The following DHX57 variants were observed in gnomAD, a reference collection of about 807,000 sequenced individuals.
The protein encoded by DHX57 is putative ATP-dependent RNA helicase DHX57.
DHX57 carries 105 observed loss-of-function variants against 156.2 expected under a neutral mutation model. The ratio of observed to expected loss-of-function variants is 0.67; its 90% CI spans 0.57 to 0.79. The LOEUF is 0.79. Among genes scored for constraint, DHX57 ranks in the 30% least tolerant of loss-of-function variants. DHX57 has a pLI of 0.00. For synonymous variants in DHX57, 704 were observed against 595.6 expected (o/e 1.18, Z -2.65); for missense variants, 1,847 against 1,661.9 (o/e 1.11, Z -1.94).
At chr2:38,811,439 G>T (rs900139761) in intron 21 of DHX57, 2 of 610,014 alleles carry the variant, frequency 3.3e-6, no homozygotes, top group East Asian at 3.3e-5. Flanking sequence ...CAGGCCAGAT[G>T]AACTCCTCCA....
rs1669480437 is a variant in DHX57 at position 38,798,164 on chromosome 2, G to A, written c.*135C>T. 5 of 1,215,092 alleles carry A rather than the reference G, an allele frequency of 4.1e-6. No individual in the cohort carries two copies. The highest frequency in any genetic ancestry group is 1.5e-5 in the African/African-American group (1 of 65,858). The allele number at this position is 1,215,092 out of a possible 1,614,324, so 75.3% of individuals were successfully genotyped here. A position where few individuals can be genotyped will look rare whatever the true frequency, so the allele number is the denominator to read the frequency against. On this transcript the variant is annotated 3_prime_UTR_variant, in exon 24 of 24. Coordinates refer to ENST00000457308, the MANE Select transcript of DHX57 (RefSeq NM_198963.3). ...TAAGGGTATATACACTGCCTCAGCT[G>A]CCTTGGGCTTCATGCCCTGGGCTCC...
chr2:38,861,491 A>G lies in DHX57; in HGVS notation c.919T>C (p.Phe307Leu). ...AATTTACAATTTCCTTTGAGGTAAA[A>G]TTTACAGATTTCAAGTGAATTCTCT... ...VQENSLEICK[F>L]YLKGNCKFGS... Residue 307 changes from phenylalanine (F) to leucine (L), a missense_variant, in exon 5 of 24, where the codon TTT becomes CTT. Transcript: ENST00000457308. 6.2e-7 allele frequency: 1 copy of G among 1,614,056 alleles called. No homozygotes were observed. Among genetic ancestry groups the G allele is most frequent in the South Asian group, 1.1e-5 (1 of 91,080 alleles).
chr2:38,861,636 G>A lies in DHX57; in HGVS notation c.774C>T (p.Ile258=). 6.2e-7 allele frequency: 1 copy of A among 1,614,176 alleles called. No homozygotes were observed. The highest frequency in any genetic ancestry group is 1.3e-5 in the African/African-American group (1 of 75,042). ...RQEEAFALKS[I]CGEKFIERIQ... ...TTCTTTCTATAAATTTTTCTCCACA[G>A]ATGGACTTGAGAGCAAATGCCTCTT... is the stretch of plus-strand genomic sequence containing the variant. The change falls in exon 5 of 24, where the codon ATC becomes ATT. Residue 258 remains isoleucine (I), a synonymous_variant. Transcript: ENST00000457308.
chr2:38,799,460 G>T (rs1412692576), intron 23 of DHX57, among the ~76,000 whole-genome samples: 4 of 148,348 alleles, frequency 2.7e-5, no homozygotes, highest in African/African-American at 4.9e-5. Flanking sequence ...AAAAAAAAGG[G>T]TGGTAGATAG....
intron 8 of DHX57, 79 bp from the exon 9 acceptor site, chr2:38,854,257 G>A (rs1379437351): frequency 1.4e-6 from 2 of 1,430,114 alleles, no homozygotes; most frequent in Non-Finnish European, 9.5e-7. Context: ...CATTTTGAAT[G>A]GATAGTGATA....
rs964923837 is a variant in DHX57, at chr2:38,837,846, G to A, written c.2527C>T (p.His843Tyr). The A allele has an allele frequency of 6.2e-7, 1 of 1,603,558 alleles. No homozygotes were observed. Among genetic ancestry groups the A allele is most frequent in the Non-Finnish European group, 8.5e-7 (1 of 1,170,778 alleles). The change falls in exon 13 of 24, where the codon CAC (histidine) becomes TAC (tyrosine). Residue 843 changes from histidine (H) to tyrosine (Y), a missense_variant. Coordinates refer to ENST00000457308, the MANE Select transcript of DHX57 (RefSeq NM_198963.3). The part of the protein sequence containing the change: ...ALLEWIVDGK[H>Y]SYPPGAILVF... ...AAGCAGTTACCTGGAGGGTAGGAGT[G>A]CTTTCCATCCACAATCCACTCTAAT...
chr2:38,841,693 G>A (rs778211890), intron 12 of DHX57, among the ~76,000 whole-genome samples: 1 of 152,084 alleles, frequency 6.6e-6, no homozygotes, highest in Non-Finnish European at 1.5e-5. Flanking sequence ...GACAGTCTAC[G>A]GAAAAAGGAG....
At chr2:38,848,772 T>C (rs1027839126) in intron 9 of DHX57, among the ~76,000 whole-genome samples, 12 of 152,196 alleles carry the variant, frequency 7.9e-5, no homozygotes, top group Non-Finnish European at 1.8e-4. Flanking sequence ...TTTTGAATAA[T>C]TTTGTCTGTG....
chr2:38,800,235 T>A (rs916312027), intron 23 of DHX57, among the ~76,000 whole-genome samples: 2 of 149,046 alleles, frequency 1.3e-5, no homozygotes, highest in African/African-American at 5.0e-5. Context: ...ACGCCTGCAG[T>A]CCCAGCTACT....
At chr2:38,811,528 C>G (rs1014758241) in intron 21 of DHX57, 2 of 1,053,358 alleles carry the variant, frequency 1.9e-6, no homozygotes, top group East Asian at 2.5e-5. Context: ...TCCTTGAAGT[C>G]TTCCTTCTGG....
chr2:38,826,881 AG>A (rs1671113790), intron 14 of DHX57, among the ~76,000 whole-genome samples, 192 bp from the exon 15 acceptor site: 1 of 152,202 alleles, frequency 6.6e-6, no homozygotes, highest in Non-Finnish European at 1.5e-5. Context: ...CTGTAATCCC[AG>A]CACTTTGGAA....
chr2:38,858,931 C>A, intron 5 of DHX57, 95 bp from the exon 6 acceptor site: 2 of 1,252,386 alleles, frequency 1.6e-6, no homozygotes, highest in South Asian at 3.1e-5. Flanking sequence ...AACAAAAAGT[C>A]AAAATGGAGA....
At position 38,810,787 on chromosome 2, in the gene DHX57, A is replaced by G. The variant is rs547281475; in HGVS notation, c.3681+3034T>C. The stretch of plus-strand genomic sequence containing the variant: ...TTCCTGTTCCATGGCAAAGCCCTCA[A>G]TGTCTAAATGAGGGTGGTAAAGGAT... On this transcript the variant is annotated intron_variant, in intron 21 of 23. Coordinates refer to ENST00000457308, the MANE Select transcript of DHX57 (RefSeq NM_198963.3). 1.4e-5 allele frequency: 11 copies of G among 765,170 alleles called. 1 individual carries two copies. The highest frequency in any genetic ancestry group is 1.3e-4 in the East Asian group (5 of 37,420). The allele number at this position is 765,170 out of a possible 1,614,324, so 47.4% of individuals were successfully genotyped here.
chr2:38,817,678 T>A (rs1450300821), intron 19 of DHX57, among the ~76,000 whole-genome samples: 1 of 151,952 alleles, frequency 6.6e-6, no homozygotes, highest in East Asian at 1.9e-4. Context: ...CTGTCTACAT[T>A]ATACAGAAGA....
chr2:38,871,099 CA>C (rs1217706760), intron 1 of DHX57, among the ~76,000 whole-genome samples: 2 of 151,996 alleles, frequency 1.3e-5, no homozygotes, highest in Non-Finnish European at 2.9e-5. Flanking sequence ...CATGAAAAAA[CA>C]AAGAGTACTA....
At chr2:38,853,049 C>CTT (rs1372869333) in intron 9 of DHX57, 2 of 174,124 alleles carry the variant, frequency 1.1e-5, no homozygotes, top group Non-Finnish European at 2.3e-5. Context: ...TTTCAGTTTT[C>CTT]TTTTCTTTTC....
chr2:38,815,489 A>G, intron 20 of DHX57, 32 bp downstream of exon 20: 1 of 1,613,406 alleles, frequency 6.2e-7, no homozygotes, highest in Non-Finnish European at 8.5e-7. Context: ...TGCTAATTAA[A>G]GAGAAATGAG....
chr2:38,832,317 G>A lies in DHX57; in HGVS notation c.2543-3881C>T, dbSNP rs1572656876. On this transcript the variant is annotated intron_variant, in intron 13 of 23. Transcript: ENST00000457308. ...TAGCTGGGTGTGGTGGCACATGCCT[G>A]TAGTCCCAGCTACACGGGAGGCTGA... 5.9e-5 allele frequency among the ~76,000 whole-genome samples: 9 copies of A among 151,996 alleles called. 1 individual carries two copies. Among genetic ancestry groups the A allele is most frequent in the Admixed American group, 5.2e-4 (8 of 15,260 alleles).
At chr2:38,867,490 T>G (rs897161141) in intron 2 of DHX57, among the ~76,000 whole-genome samples, 8 of 152,224 alleles carry the variant, frequency 5.3e-5, no homozygotes, top group Non-Finnish European at 1.2e-4. Flanking sequence ...AGATGATGGC[T>G]GATTTGGCTG....
Sources: allele counts gnomAD v4.1 joint callset (sites outside exome capture counted in the v4.1 genomes callset), GRCh38; gene constraint gnomAD v4.1.1; transcripts MANE v1.5; gene names NCBI Gene and HGNC (gene_info 2026-07-23, HGNC 2026-07-21).